The following KATNAL1 variants were observed in gnomAD, a reference collection of about 807,000 sequenced individuals.
The protein encoded by KATNAL1 is katanin catalytic subunit A1 like 1.
In KATNAL1, 32 loss-of-function variants were observed where a neutral mutation model predicts 55.2. That is an observed-to-expected ratio of 0.58 (90% CI 0.44 to 0.78). The LOEUF (loss-of-function observed/expected upper bound fraction) is 0.78, where lower values mean the gene tolerates loss of function less well. KATNAL1 is among the 30% of genes least tolerant of loss of function. KATNAL1 has a pLI of 0.00. For synonymous variants in KATNAL1, 193 were observed against 193.6 expected, an observed-to-expected ratio of 1.00 and a Z score of 0.02; for missense variants, 466 against 600.9, an observed-to-expected ratio of 0.78 and a Z score of 2.35.
At chr13:30,241,289 A>C (rs1877254911) in intron 4 of KATNAL1, among the ~76,000 whole-genome samples, 1 of 152,198 alleles carries the variant, frequency 6.6e-6, no homozygotes, top group South Asian at 2.1e-4. Flanking sequence ...TAAAAACTTC[A>C]AATCTACATT....
chr13:30,303,666 GAC>G (rs1481347795), intron 1 of KATNAL1, among the ~76,000 whole-genome samples: 1 of 152,102 alleles, frequency 6.6e-6, no homozygotes, highest in African/African-American at 2.4e-5. Context: ...AATCAGTCCA[GAC>G]ATTAAATACT....
At chr13:30,284,401 A>AT (rs539394060) in intron 1 of KATNAL1, among the ~76,000 whole-genome samples, 2 of 151,618 alleles carry the variant, frequency 1.3e-5, no homozygotes, top group Non-Finnish European at 2.9e-5. Context: ...AACAGATGAA[A>AT]TTTTTTTTTA....
At chr13:30,216,244 T>C (rs61946921) in intron 9 of KATNAL1, among the ~76,000 whole-genome samples, 22,641 of 151,942 alleles carry the variant, frequency 0.15, 1,864 homozygotes, top group Non-Finnish European at 0.18. Context: ...CAATACATTA[T>C]CTCCATAAAA....
intron 10 of KATNAL1, among the ~76,000 whole-genome samples, chr13:30,209,828 T>C (rs560271390): frequency 3.3e-5 from 5 of 152,210 alleles, no homozygotes; most frequent in South Asian, 4.2e-4. Flanking sequence ...GTTGCCCAGG[T>C]TGGAGTGCAG....
At chr13:30,225,972 G>A (rs1351486399) in intron 9 of KATNAL1, among the ~76,000 whole-genome samples, 1 of 151,664 alleles carries the variant, frequency 6.6e-6, no homozygotes, top group Non-Finnish European at 1.5e-5. Context: ...TTAAAAACTG[G>A]GAAAAAGAAA....
chr13:30,277,969 C>T (rs1278817712), intron 3 of KATNAL1, among the ~76,000 whole-genome samples: 3 of 104,242 alleles, frequency 2.9e-5, no homozygotes, highest in Admixed American at 1.5e-4. Context: ...GGGGACAGAG[C>T]GAGACTCCGT....
At chr13:30,247,647 CAGAA>C (rs923415888) in intron 4 of KATNAL1, among the ~76,000 whole-genome samples, 2 of 152,042 alleles carry the variant, frequency 1.3e-5, no homozygotes, top group African/African-American at 4.8e-5. Flanking sequence ...CAGAAACCAA[CAGAA>C]AGAAATGAGA....
intron 3 of KATNAL1, among the ~76,000 whole-genome samples, chr13:30,269,206 T>C (rs913964102): frequency 2.6e-4 from 39 of 152,252 alleles, no homozygotes; most frequent in South Asian, 2.1e-4. Context: ...CTCAGCCTGC[T>C]GAGTGCCTGC....
chr13:30,287,575 A>G (rs1399946202), intron 1 of KATNAL1, among the ~76,000 whole-genome samples: 1 of 152,236 alleles, frequency 6.6e-6, no homozygotes, highest in African/African-American at 2.4e-5. Context: ...ACTTTTACAC[A>G]GTAACAAATT....
intron 6 of KATNAL1, among the ~76,000 whole-genome samples, chr13:30,239,693 T>G (rs1877060227): frequency 3.3e-5 from 5 of 150,402 alleles, no homozygotes; most frequent in Admixed American, 2.6e-4. Flanking sequence ...TGATTTTTTT[T>G]TTTTTTTTTT....
chr13:30,212,472 A>G (rs1355839739), intron 9 of KATNAL1, among the ~76,000 whole-genome samples: 1 of 152,216 alleles, frequency 6.6e-6, no homozygotes. Context: ...CCGGCGTGGG[A>G]TCAGGGCCAG....
At chr13:30,307,105 C>T (rs1000048459) in intron 1 of KATNAL1, 3 of 152,260 alleles carry the variant, frequency 2.0e-5, no homozygotes. Context: ...CGAGCTACCC[C>T]ACCAAGACCG....
At chr13:30,216,906 T>C (rs774173782) in intron 9 of KATNAL1, among the ~76,000 whole-genome samples, 79 of 152,380 alleles carry the variant, frequency 5.2e-4, no homozygotes, top group Non-Finnish European at 1.0e-3. Context: ...CGTTTCACTG[T>C]GCCTGGCCTA....
At position 30,270,184 on chromosome 13, in the gene KATNAL1, T is replaced by C. The variant is rs1388297479; in HGVS notation, c.323+9879A>G. 1.2e-4 allele frequency among the ~76,000 whole-genome samples: 12 copies of C among 96,644 alleles called. 1 individual carries two copies. The highest frequency in any genetic ancestry group is 1.5e-4 in the Non-Finnish European group (7 of 46,832). 63.4% of individuals were successfully genotyped at this position (96,644 alleles called of 152,430 possible). On this transcript the variant is annotated intron_variant, in intron 3 of 10. Transcript: ENST00000380615. ...GAGCCTCTCTGCCCAGCCAGCCGCC[T>C]CGTCCGGGAAGGAGGTGGGGGGTCA... is the stretch of plus-strand genomic sequence containing the variant.
At chr13:30,245,136 A>G (rs999961347) in intron 4 of KATNAL1, among the ~76,000 whole-genome samples, 1 of 152,202 alleles carries the variant, frequency 6.6e-6, no homozygotes, top group Non-Finnish European at 1.5e-5. Context: ...CCCGATGAAC[A>G]TCAAAGCAAA....
intron 1 of KATNAL1, among the ~76,000 whole-genome samples, chr13:30,294,202 T>G (rs1882326022): frequency 6.6e-6 from 1 of 152,190 alleles, no homozygotes; most frequent in South Asian, 2.1e-4. Context: ...CAGAAATGAC[T>G]AAGCTTAGCA....
intron 1 of KATNAL1, among the ~76,000 whole-genome samples, chr13:30,292,801 C>T (rs1882221556): frequency 5.3e-5 from 8 of 152,046 alleles, no homozygotes; most frequent in Admixed American, 5.2e-4. Context: ...TTTATTCTAC[C>T]CTCATACTTC....
At chr13:30,218,734 A>G (rs1874558481) in intron 9 of KATNAL1, among the ~76,000 whole-genome samples, 1 of 152,162 alleles carries the variant, frequency 6.6e-6, no homozygotes, top group African/African-American at 2.4e-5. Context: ...ATGAGATCCA[A>G]ATATCCCAAG....
chr13:30,271,894 A>AAC (rs1555265231), intron 3 of KATNAL1, among the ~76,000 whole-genome samples: 1 of 151,150 alleles, frequency 6.6e-6, no homozygotes, highest in Non-Finnish European at 1.5e-5. Flanking sequence ...AAAAAAAAAA[A>AAC]AAAAAACAGA....
Sources: gnomAD v4.1 joint callset for allele counts (sites outside exome capture counted in the v4.1 genomes callset) on GRCh38, gnomAD v4.1.1 for gene constraint, MANE v1.5 for transcripts, NCBI Gene and HGNC (gene_info 2026-07-23, HGNC 2026-07-21) for gene names.